The following TMEM135 variants were observed in gnomAD, a reference collection of about 807,000 sequenced individuals.
TMEM135 encodes the protein peroxisomal membrane protein 52.
TMEM135 carries 30 observed loss-of-function variants against 60.3 expected under a neutral mutation model. The observed-to-expected ratio is 0.50, with a 90% confidence interval of 0.37 to 0.68. The LOEUF is 0.68. Ranked by LOEUF, TMEM135 falls within the 30% of genes least tolerant of loss-of-function variation. The pLI is 0.00. For missense variants in TMEM135, 468 were observed against 548.8 expected (o/e 0.85, Z 1.47); for synonymous variants, 190 against 186.7 (o/e 1.02, Z -0.14).
At chr11:87,147,039 TA>T (rs1938434787) in intron 4 of TMEM135, among the ~76,000 whole-genome samples, 1 of 152,158 alleles carries the variant, frequency 6.6e-6, no homozygotes, top group Non-Finnish European at 1.5e-5. Flanking sequence ...GATTGAAATA[TA>T]TTATAATAAT....
intron 2 of TMEM135, among the ~76,000 whole-genome samples, chr11:87,068,806 C>G (rs1377796996): frequency 1.3e-5 from 1 of 76,806 alleles, no homozygotes; most frequent in Non-Finnish European, 2.3e-5. Context: ...GTCAGACTGT[C>G]TCAAAAAAAA....
chr11:87,144,275 C>T (rs757857354), intron 4 of TMEM135, among the ~76,000 whole-genome samples: 3 of 152,086 alleles, frequency 2.0e-5, no homozygotes, highest in Admixed American at 6.5e-5. Context: ...TAGATAAATA[C>T]GGTGTTTTTG....
intron 4 of TMEM135, among the ~76,000 whole-genome samples, chr11:87,140,407 C>A (rs2135244462): frequency 6.6e-6 from 1 of 152,274 alleles, no homozygotes; most frequent in Non-Finnish European, 1.5e-5. Flanking sequence ...CTATCATGGG[C>A]AAACAATTTG....
intron 4 of TMEM135, among the ~76,000 whole-genome samples, chr11:87,154,725 T>G (rs1938644937): frequency 8.3e-6 from 1 of 120,412 alleles, no homozygotes; most frequent in African/African-American, 3.1e-5. Context: ...CCCTAATGAT[T>G]AGTGATGTGG....
chr11:87,195,529 C>T (rs868441005), intron 5 of TMEM135, among the ~76,000 whole-genome samples: 7 of 151,928 alleles, frequency 4.6e-5, no homozygotes, highest in East Asian at 1.9e-4. Context: ...CGGGTTCAAG[C>T]GGTTCTCCTG....
At chr11:87,191,798 C>T (rs915986138) in intron 5 of TMEM135, among the ~76,000 whole-genome samples, 11 of 152,126 alleles carry the variant, frequency 7.2e-5, no homozygotes, top group African/African-American at 2.2e-4. Flanking sequence ...TATATACTCA[C>T]TTTAAAGACA....
chr11:87,328,305 T>G lies in TMEM135; in HGVS notation c.*6972T>G, dbSNP rs1359331367. 1 of 453,930 alleles carries G rather than the reference T, an allele frequency of 2.2e-6. No individual in the cohort carries two copies. Among genetic ancestry groups the G allele is most frequent in the Non-Finnish European group, 4.4e-6 (1 of 226,780 alleles). 28.1% of individuals were successfully genotyped at this position (453,930 alleles called of 1,614,324 possible). A position where few individuals can be genotyped will look rare whatever the true frequency, so the allele number is the denominator to read the frequency against. On this transcript the variant is annotated 3_prime_UTR_variant, in exon 15 of 15. Transcript: ENST00000305494. The stretch of plus-strand genomic sequence containing the variant: ...TCGTCTTTGAAGGTTTTGCTCATCT[T>G]TAAAAAATCTTAGTTGATTATGTTT...
At chr11:87,285,980 G>C (rs1942157629) in intron 6 of TMEM135, among the ~76,000 whole-genome samples, 2 of 152,056 alleles carry the variant, frequency 1.3e-5, no homozygotes, top group South Asian at 4.2e-4. Context: ...AGACATAAAA[G>C]TTCTCCAAGT....
At position 87,322,124 on chromosome 11, in the gene TMEM135, A is replaced by T. The variant is rs1217055248; in HGVS notation, c.*791A>T. ...AAGTATTACACTTGAATATTTAAAA[A>T]CAAAACTTTTAAACTTCCTATAGGT... On this transcript the variant is annotated 3_prime_UTR_variant, in exon 15 of 15. Transcript: ENST00000305494. 4.4e-6 allele frequency: 2 copies of T among 453,278 alleles called. No individual in the cohort carries two copies. Among genetic ancestry groups the T allele is most frequent in the Non-Finnish European group, 8.8e-6 (2 of 226,160 alleles). 28.1% of individuals were successfully genotyped at this position (453,278 alleles called of 1,614,324 possible).
intron 1 of TMEM135, among the ~76,000 whole-genome samples, chr11:87,059,518 G>T (rs1430207552): frequency 6.6e-6 from 1 of 151,906 alleles, no homozygotes. Context: ...GTTTTGCCAT[G>T]TTGGCTGAGC....
chr11:87,173,415 G>A (rs184165053), intron 5 of TMEM135, among the ~76,000 whole-genome samples: 70 of 152,256 alleles, frequency 4.6e-4, no homozygotes, highest in African/African-American at 1.7e-3. Context: ...GGTTTTAATT[G>A]TAAACTAAAC....
chr11:87,054,124 G>T (rs1843942785), intron 1 of TMEM135, among the ~76,000 whole-genome samples: 1 of 152,272 alleles, frequency 6.6e-6, no homozygotes, highest in Non-Finnish European at 1.5e-5. Context: ...AACTAACTTG[G>T]CTCATAGCAG....
intron 4 of TMEM135, among the ~76,000 whole-genome samples, chr11:87,105,343 C>G (rs945451090): frequency 6.6e-6 from 1 of 152,106 alleles, no homozygotes; most frequent in Non-Finnish European, 1.5e-5. Flanking sequence ...CATAGGATCC[C>G]GAACCCAATT....
chr11:87,301,164 G>C (rs1301623650), intron 7 of TMEM135, among the ~76,000 whole-genome samples: 1 of 152,142 alleles, frequency 6.6e-6, no homozygotes, highest in Admixed American at 6.5e-5. Flanking sequence ...AAGGTTGTCT[G>C]AACAGGATGA....
At chr11:87,246,352 G>T (rs1941270550) in intron 6 of TMEM135, among the ~76,000 whole-genome samples, 1 of 150,744 alleles carries the variant, frequency 6.6e-6, no homozygotes, top group Non-Finnish European at 1.5e-5. Context: ...TTCTCGAGGA[G>T]TATCTTTGTG....
chr11:87,198,298 C>A (rs1013502807), intron 5 of TMEM135, among the ~76,000 whole-genome samples: 23 of 152,230 alleles, frequency 1.5e-4, no homozygotes, highest in East Asian at 1.2e-3. Flanking sequence ...ATTAGGATAC[C>A]TCTTTCAGAT....
At chr11:87,182,190 T>A (rs1323698186) in intron 5 of TMEM135, among the ~76,000 whole-genome samples, 3 of 152,096 alleles carry the variant, frequency 2.0e-5, no homozygotes, top group African/African-American at 7.2e-5. Flanking sequence ...GTACGTTTTT[T>A]AGTTTTTATT....
chr11:87,067,293 T>C (rs1469021737), intron 1 of TMEM135, among the ~76,000 whole-genome samples: 2 of 150,944 alleles, frequency 1.3e-5, no homozygotes, highest in African/African-American at 2.4e-5. Flanking sequence ...CTCTGGTTTC[T>C]ATTAGTGAAG....
At chr11:87,138,512 A>T (rs542295196) in intron 4 of TMEM135, among the ~76,000 whole-genome samples, 2 of 152,238 alleles carry the variant, frequency 1.3e-5, no homozygotes, top group African/African-American at 2.4e-5. Flanking sequence ...CAATATAATC[A>T]GTAAATAAGC....
Sources: gnomAD v4.1 joint callset for allele counts (sites outside exome capture counted in the v4.1 genomes callset) on GRCh38, gnomAD v4.1.1 for gene constraint, MANE v1.5 for transcripts, NCBI Gene and HGNC (gene_info 2026-07-23, HGNC 2026-07-21) for gene names.